CEL: variants seen among roughly 807,000 people sequenced by gnomAD.
CEL encodes the protein bile salt-activated lipase.
In CEL, 39 loss-of-function variants were observed where a neutral mutation model predicts 57.1. That is an observed-to-expected ratio of 0.68 (90% CI 0.53 to 0.89). The LOEUF is 0.89. CEL is among the 40% of genes least tolerant of loss of function. The pLI, the probability that CEL is intolerant of heterozygous loss-of-function variation, is 0.00. For synonymous variants in CEL, 314 were observed against 396.6 expected (o/e 0.79, Z 2.48); for missense variants, 698 against 915.0 (o/e 0.76, Z 3.06).
Position 133,071,832 on chromosome 9 carries a change from G to T in CEL, c.*68G>T. On this transcript the variant is annotated 3_prime_UTR_variant, in exon 11 of 11. Coordinates refer to ENST00000372080, the MANE Select transcript of CEL (RefSeq NM_001807.6). Reference sequence around the variant, plus strand: ...CCCAGGGGCTCCCCTCCCATCTTGAGCTCTTCCTGAATAAAGCCTCATACC... The same window carrying T: ...CCCAGGGGCTCCCCTCCCATCTTGATCTCTTCCTGAATAAAGCCTCATACC... The T allele has an allele frequency of 1.4e-6, 2 of 1,421,860 alleles. No individual in the cohort carries two copies. The highest frequency in any genetic ancestry group is 2.0e-6 in the Non-Finnish European group (2 of 1,012,694). The allele number at this position is 1,421,860 out of a possible 1,614,324, so 88.1% of individuals were successfully genotyped here. A position where few individuals can be genotyped will look rare whatever the true frequency, so the allele number is the denominator to read the frequency against.
intron 7 of CEL, among the ~76,000 whole-genome samples, chr9:133,067,653 G>A (rs7851444): frequency 0.014 from 2,103 of 152,234 alleles, 56 homozygotes; most frequent in African/African-American, 0.049. Context: ...AATTACAGGC[G>A]TGAGCCACTG....
In CEL at chr9:133,071,198, T is replaced by C; in HGVS notation, c.1696T>C (p.Ser566Pro). Reference protein sequence around the residue: ...EATPVPPTGDSEATPVPPTGD... With the variant: ...EATPVPPTGDPEATPVPPTGD... Reference sequence around the variant, plus strand: ...CACCCCTGTGCCCCCCACAGGGGACTCCGAGGCCACTCCCGTGCCCCCCAC... The same window carrying C: ...CACCCCTGTGCCCCCCACAGGGGACCCCGAGGCCACTCCCGTGCCCCCCAC... Residue 566 changes from serine (S) to proline (P), a missense_variant, in exon 11 of 11, where the codon TCC (serine) becomes CCC (proline). Around this residue, in one of 6 missense-constraint regions of CEL, gnomAD observed 238 missense variants for 213.7 expected, o/e 1.11. Coordinates refer to ENST00000372080, the MANE Select transcript of CEL (RefSeq NM_001807.6). 1.2e-6 allele frequency: 2 copies of C among 1,604,016 alleles called. No homozygotes were observed. Among genetic ancestry groups the C allele is most frequent in the South Asian group, 1.1e-5 (1 of 90,908 alleles).
rs1181362735 is a variant in CEL, at chr9:133,066,894, G to A, written c.726G>A (p.Val242=). The A allele has an allele frequency of 6.2e-7, 1 of 1,613,666 alleles. No homozygotes were observed. Among genetic ancestry groups the A allele is most frequent in the South Asian group, 1.1e-5 (1 of 91,040 alleles). The stretch of plus-strand genomic sequence containing the variant: ...GGCGAGCCATCAGCCAGAGCGGCGT[G>A]GCCCTGAGTCCCTGGGTCATCCAGA... ...LIRRAISQSG[V]ALSPWVIQKN... The change falls in exon 6 of 11, where the codon GTG becomes GTA. Residue 242 remains valine, a synonymous_variant. Transcript: ENST00000372080. The surrounding 1 kb of genome is among the most constrained non-coding windows in gnomAD (Gnocchi z 4.3).
Position 133,071,352 on chromosome 9 carries a change from C to A in CEL, c.1850C>A (p.Pro617His), listed in dbSNP as rs1478570731. ...GACTCCGGGGCCCCCCCCGTGCCGC[C>A]CACGGGTGACTCCGGGGCCCCCCCC... Reference protein sequence around the residue: ...TGDSGAPPVPPTGDSGAPPVP... With the variant: ...TGDSGAPPVPHTGDSGAPPVP... The change falls in exon 11 of 11, where the codon CCC (proline) becomes CAC (histidine). Residue 617 changes from proline (P) to histidine (H), a missense_variant. This residue lies in a region of CEL where 238 missense variants were observed against 213.7 expected (regional missense o/e 1.11). Transcript: ENST00000372080. 6 of 190,828 alleles carry A rather than the reference C, an allele frequency of 3.1e-5. No homozygotes were observed. The highest frequency in any genetic ancestry group is 3.6e-5 in the South Asian group (1 of 28,114). The allele number at this position is 190,828 out of a possible 1,614,324, so 11.8% of individuals were successfully genotyped here. A position where few individuals can be genotyped will look rare whatever the true frequency, so the allele number is the denominator to read the frequency against.
In CEL at chr9:133,066,442, T is replaced by C. The variant is rs1588489681; in HGVS notation, c.539-88T>C. On this transcript the variant is annotated intron_variant, in intron 4 of 10. Transcript: ENST00000372080. This position sits in a 1 kb window ranked among gnomAD's most constrained non-coding sequence, Gnocchi z 4.3. ...CATGGCCCCAACTCTGTTGAGGGCA[T>C]TTCCACCCCACCTATGCTGATCTCC... The C allele has an allele frequency of 1.3e-6, 2 of 1,560,874 alleles. No homozygotes were observed. The highest frequency in any genetic ancestry group is 2.2e-5 in the East Asian group (1 of 44,528).
rs368136185 is a variant in CEL, at chr9:133,064,401, C to A, written c.67-3C>A. Reference sequence around the variant, plus strand: ...CCTGACCCTGCCCGTGTCTCCCTCGCAGCTGGGCGCCGTGTACACAGAAGG... The same window carrying A: ...CCTGACCCTGCCCGTGTCTCCCTCGAAGCTGGGCGCCGTGTACACAGAAGG... On this transcript the variant is annotated splice_region_variant and splice_polypyrimidine_tract_variant and intron_variant, in intron 1 of 10. Transcript: ENST00000372080. 7 of 1,613,748 alleles carry A rather than the reference C, an allele frequency of 4.3e-6. No individual in the cohort carries two copies. In the South Asian group the frequency reaches 7.7e-5, roughly 18 times the overall value.
intron 4 of CEL, among the ~76,000 whole-genome samples, chr9:133,065,893 C>A (rs1830171388): frequency 6.6e-6 from 1 of 151,548 alleles, no homozygotes; most frequent in African/African-American, 2.4e-5. Context: ...TATCTCATGC[C>A]TCTGTCCTCA....
chr9:133,071,217 C>A lies in CEL; in HGVS notation c.1715C>A (p.Pro572His). The A allele has an allele frequency of 6.3e-7, 1 of 1,599,666 alleles. No individual in the cohort carries two copies. ...PTGDSEATPV[P>H]PTGDSETAPV... Reference sequence around the variant, plus strand: ...GGGGACTCCGAGGCCACTCCCGTGCCCCCCACGGGTGACTCCGAGACCGCC... The same window carrying A: ...GGGGACTCCGAGGCCACTCCCGTGCACCCCACGGGTGACTCCGAGACCGCC... The change falls in exon 11 of 11, where the codon CCC (proline) becomes CAC (histidine). Residue 572 changes from proline to histidine, a missense_variant. By Grantham distance (77) the Pro-to-His change is moderately conservative. Transcript: ENST00000372080.
chr9:133,067,061 A>G (rs1369824892), intron 6 of CEL, 27 bp from the exon 7 acceptor site: 2 of 1,612,460 alleles, frequency 1.2e-6, no homozygotes, highest in African/African-American at 2.7e-5. Flanking sequence ...GGCCTCACCT[A>G]CCTGCTGGCC....
chr9:133,065,317 C>A, intron 4 of CEL, 80 bp downstream of exon 4: 1 of 1,493,624 alleles, frequency 6.7e-7, no homozygotes, highest in Non-Finnish European at 9.2e-7. Flanking sequence ...GCACCCCTCA[C>A]CCCAAACAAC....
chr9:133,065,370 A>T, intron 4 of CEL, 133 bp downstream of exon 4: 1 of 1,048,774 alleles, frequency 9.5e-7, no homozygotes, highest in Non-Finnish European at 1.5e-6. Context: ...GAGTAGAATC[A>T]TGAGATGCAG....
Position 133,067,202 on chromosome 9 carries a change from G to T in CEL, c.892G>T (p.Glu298Ter). 1 of 1,613,634 alleles carries T rather than the reference G, an allele frequency of 6.2e-7. No individual in the cohort carries two copies. The highest frequency in any genetic ancestry group is 1.1e-5 in the South Asian group (1 of 91,048). Residue 298 changes from glutamate (E) to a stop codon, truncating the protein, a stop_gained, in exon 7 of 11, where the codon GAG (glutamate) becomes TAG (stop). Coordinates refer to ENST00000372080, the MANE Select transcript of CEL (RefSeq NM_001807.6). LOFTEE classifies it high-confidence loss of function. Reference protein sequence around the residue: ...LAYKVPLAGLEYPMLHYVGFV... With the variant: ...LAYKVPLAGL The stretch of plus-strand genomic sequence containing the variant: ...CTATAAGGTGCCGCTGGCAGGCCTG[G>T]AGTGTGAGTAGCTGCTCGGGTTGGC...
At chr9:133,065,565 G>C (rs2119060811) in intron 4 of CEL, among the ~76,000 whole-genome samples, 1 of 152,252 alleles carries the variant, frequency 6.6e-6, no homozygotes, top group Non-Finnish European at 1.5e-5. Flanking sequence ...ATTAGCTGGG[G>C]ACTGGGCGCG....
intron 10 of CEL, 62 bp from the exon 11 acceptor site, chr9:133,070,925 A>G (rs1459938113): frequency 3.2e-6 from 5 of 1,581,850 alleles, no homozygotes; most frequent in Non-Finnish European, 4.3e-6. Context: ...GTGCAGGTGG[A>G]GAGCAGGGCT....
At chr9:133,068,624 A>T in intron 7 of CEL, 48 bp from the exon 8 acceptor site, 1 of 1,613,442 alleles carries the variant, frequency 6.2e-7, no homozygotes, top group Non-Finnish European at 8.5e-7. Context: ...GGCTCAGGGG[A>T]AACTGGGAGG....
intron 3 of CEL, 122 bp downstream of exon 3, chr9:133,064,884 G>T: frequency 6.4e-7 from 1 of 1,560,212 alleles, no homozygotes; most frequent in Non-Finnish European, 8.7e-7. Flanking sequence ...AGGCGGGGAG[G>T]GGAGCGCCCA....
intron 9 of CEL, 138 bp from the exon 10 acceptor site, chr9:133,070,323 G>A: frequency 4.3e-6 from 3 of 699,228 alleles, no homozygotes; most frequent in Admixed American, 2.6e-5. Flanking sequence ...TTCCCTGGGT[G>A]TAAGAAGCCC....
rs746836210 is a variant in CEL, at chr9:133,071,088, C to T, written c.1586C>T (p.Ser529Phe). ...LEITKKMGSSSMKRSLRTNFL... is the reference protein window; with the variant it reads ...LEITKKMGSSFMKRSLRTNFL... ...ATCACCAAGAAGATGGGCAGCAGCT[C>T]CATGAAGCGGAGCCTGAGAACCAAC... The change falls in exon 11 of 11, where the codon TCC (serine) becomes TTC (phenylalanine). Residue 529 changes from serine to phenylalanine, a missense_variant. Ser to Phe is a radical substitution (Grantham distance 155). This residue lies in a region of CEL where 111 missense variants were observed against 147.3 expected (regional missense o/e 0.75). Coordinates refer to ENST00000372080, the MANE Select transcript of CEL (RefSeq NM_001807.6). The T allele has an allele frequency of 4.3e-6, 7 of 1,611,786 alleles. No individual in the cohort carries two copies. The highest frequency in any genetic ancestry group is 8.5e-7 in the Non-Finnish European group (1 of 1,179,772).
At position 133,066,843 on chromosome 9, in the gene CEL, C is replaced by T. The variant is rs1459709415; in HGVS notation, c.675C>T (p.Leu225=). 1.9e-6 allele frequency: 3 copies of T among 1,612,462 alleles called. No individual in the cohort carries two copies. The highest frequency in any genetic ancestry group is 1.7e-5 in the Admixed American group (1 of 59,852). ...AGGASVSLQT[L]SPYNKGLIRR... Reference sequence around the variant, plus strand: ...GGGATTTCTGGGTCCCGTAGACCCTCTCCCCCTACAACAAGGGCCTCATCC... The same window carrying T: ...GGGATTTCTGGGTCCCGTAGACCCTTTCCCCCTACAACAAGGGCCTCATCC... The change falls in exon 6 of 11, where the codon CTC becomes CTT. Residue 225 remains leucine (L), a synonymous_variant. Coordinates refer to ENST00000372080, the MANE Select transcript of CEL (RefSeq NM_001807.6). This position sits in a 1 kb window ranked among gnomAD's most constrained non-coding sequence, Gnocchi z 4.3.
Sources: gnomAD v4.1 joint callset for allele counts (sites outside exome capture counted in the v4.1 genomes callset) on GRCh38, gnomAD v4.1.1 for gene constraint, gnomAD v4.1.1 regional missense constraint, Gnocchi (gnomAD v3.1) non-coding constraint, MANE v1.5 for transcripts, NCBI Gene and HGNC (gene_info 2026-07-23, HGNC 2026-07-21) for gene names.